Variants in IFIH1 observed in about 807,000 individuals in gnomAD.
IFIH1 encodes interferon-induced helicase C domain-containing protein 1.
A neutral mutation model predicts 107.4 loss-of-function variants in IFIH1; 125 were observed. The observed-to-expected ratio is 1.16, with a 90% CI of 1.01 to 1.35. IFIH1 has a LOEUF of 1.35. Ranked by LOEUF, IFIH1 falls within the 40% of genes most tolerant of loss-of-function variation. IFIH1 has a pLI of 0.00. For synonymous variants in IFIH1, 458 were observed against 413.2 expected, an observed-to-expected ratio of 1.11 and a Z score of -1.31; for missense variants, 1,333 against 1,213.7, an observed-to-expected ratio of 1.10 and a Z score of -1.46.
At position 162,307,380 on chromosome 2, in the gene IFIH1, C is replaced by T. The variant is rs562728779; in HGVS notation, c.623-525G>A. Reference sequence around the variant, plus strand: ...GTAGTTTTCTTTAGCTTTGCTCTTGCCATTTTGTTTCCTCACTGTGTGTTC... The same window carrying T: ...GTAGTTTTCTTTAGCTTTGCTCTTGTCATTTTGTTTCCTCACTGTGTGTTC... On this transcript the variant is annotated intron_variant, in intron 2 of 15. Transcript: ENST00000649979. Among the ~76,000 whole-genome samples the T allele has an allele frequency of 5.1e-4, 78 of 152,172 alleles. 1 individual carries two copies. Among genetic ancestry groups the T allele is most frequent in the Non-Finnish European group, 1.0e-3 (69 of 68,026 alleles).
chr2:162,298,790 G>GCGCACA (rs541154436), intron 3 of IFIH1, among the ~76,000 whole-genome samples: 34 of 149,296 alleles, frequency 2.3e-4, no homozygotes, highest in Admixed American at 9.3e-4. Flanking sequence ...ACGCGCGCGC[G>GCGCACA]CACACACACA....
chr2:162,317,258 A>G (rs1011297223), intron 1 of IFIH1, among the ~76,000 whole-genome samples: 1 of 152,226 alleles, frequency 6.6e-6, no homozygotes, highest in African/African-American at 2.4e-5. Flanking sequence ...ATAAAACTTT[A>G]TGAACACTGA....
intron 3 of IFIH1, among the ~76,000 whole-genome samples, chr2:162,296,657 A>G (rs570394739): frequency 1.3e-5 from 2 of 152,228 alleles, no homozygotes; most frequent in East Asian, 3.9e-4. Flanking sequence ...AGCAAGAGAC[A>G]TTTTCATTGT....
chr2:162,304,538 A>G (rs2105224794), intron 3 of IFIH1, among the ~76,000 whole-genome samples: 1 of 152,334 alleles, frequency 6.6e-6, no homozygotes, highest in South Asian at 2.1e-4. Context: ...AAGCAAGCCA[A>G]CTGTGAAAAA....
At chr2:162,282,620 G>T in intron 5 of IFIH1, 44 bp from the exon 6 acceptor site, 2 of 1,321,324 alleles carry the variant, frequency 1.5e-6, no homozygotes, top group Non-Finnish European at 1.1e-6. Context: ...AAAGTTAGTC[G>T]AAGCCAAAAG....
chr2:162,315,029 G>A (rs1683464135), intron 1 of IFIH1, among the ~76,000 whole-genome samples: 1 of 152,146 alleles, frequency 6.6e-6, no homozygotes, highest in African/African-American at 2.4e-5. Context: ...ATTACGGGCA[G>A]GGGCTAGGAA....
At chr2:162,282,640 C>T in intron 5 of IFIH1, 64 bp from the exon 6 acceptor site, 1 of 1,050,580 alleles carries the variant, frequency 9.5e-7, no homozygotes, top group Non-Finnish European at 1.4e-6. Flanking sequence ...GAGTGTTGAT[C>T]AAAGGCCTGT....
chr2:162,311,561 G>T (rs2105231130), intron 1 of IFIH1, among the ~76,000 whole-genome samples: 1 of 150,656 alleles, frequency 6.6e-6, no homozygotes, highest in African/African-American at 2.4e-5. Context: ...GGAAATATGG[G>T]GCAGAATTAT....
intron 5 of IFIH1, among the ~76,000 whole-genome samples, chr2:162,283,338 G>T (rs1292367175): frequency 6.6e-6 from 1 of 151,936 alleles, no homozygotes; most frequent in South Asian, 2.1e-4. Context: ...CCTGGCAAAA[G>T]AAGTGGAAAC....
rs1682972703 is a variant in IFIH1, at chr2:162,290,194, A to G, written c.875-1839T>C. Among the ~76,000 whole-genome samples, 4 of 151,880 alleles carry G rather than the reference A, an allele frequency of 2.6e-5. No homozygotes were observed. The South Asian group carries it at 8.3e-4, about 31-fold the overall frequency. On this transcript the variant is annotated intron_variant, in intron 4 of 15. Coordinates refer to ENST00000649979, the MANE Select transcript of IFIH1 (RefSeq NM_022168.4). ...TTTCATCTGAGTTTCATTTTTGCGT[A>G]GATTTTAAGAATACTAATAAAATGC...
intron 13 of IFIH1, 86 bp from the exon 14 acceptor site, chr2:162,268,363 T>G (rs1479156662): frequency 3.5e-6 from 3 of 848,688 alleles, no homozygotes; most frequent in Non-Finnish European, 5.5e-6. Context: ...AATTTGGAGG[T>G]CTTAGTTGTG....
At chr2:162,268,937 C>A (rs2105188661) in intron 13 of IFIH1, among the ~76,000 whole-genome samples, 1 of 152,016 alleles carries the variant, frequency 6.6e-6, no homozygotes, top group African/African-American at 2.4e-5. Flanking sequence ...AACTTCCTTC[C>A]ACATGGAATC....
At chr2:162,317,154 T>G (rs976459286) in intron 1 of IFIH1, among the ~76,000 whole-genome samples, 1 of 152,160 alleles carries the variant, frequency 6.6e-6, no homozygotes, top group Non-Finnish European at 1.5e-5. Context: ...TAAATATTTT[T>G]GGCTTTAAGG....
chr2:162,294,807 C>T (rs1202497904), intron 3 of IFIH1, among the ~76,000 whole-genome samples: 15 of 151,872 alleles, frequency 9.9e-5, no homozygotes, highest in African/African-American at 3.6e-4. Context: ...CCTCTTAACA[C>T]ACCAATGAGG....
At chr2:162,279,649 A>T (rs916336271) in intron 8 of IFIH1, among the ~76,000 whole-genome samples, 1 of 152,052 alleles carries the variant, frequency 6.6e-6, no homozygotes, top group Non-Finnish European at 1.5e-5. Context: ...TCAGAAAATC[A>T]ATCCTGGAAT....
intron 3 of IFIH1, among the ~76,000 whole-genome samples, chr2:162,305,527 G>A (rs777736190): frequency 6.6e-6 from 1 of 151,936 alleles, no homozygotes; most frequent in Non-Finnish European, 1.5e-5. Flanking sequence ...CCAAGAGCAT[G>A]CCACTGCACT....
At chr2:162,314,371 C>T (rs1194221659) in intron 1 of IFIH1, among the ~76,000 whole-genome samples, 1 of 28,286 alleles carries the variant, frequency 3.5e-5, no homozygotes, top group Non-Finnish European at 7.5e-5. Flanking sequence ...TCCTTCCTTC[C>T]CTCCCTCCCT....
chr2:162,291,960 T>G (rs1213688060), intron 4 of IFIH1, among the ~76,000 whole-genome samples: 1 of 151,874 alleles, frequency 6.6e-6, no homozygotes, highest in Non-Finnish European at 1.5e-5. Context: ...GTATTTGCCT[T>G]TGAAAATGTA....
chr2:162,271,299 C>T (rs895882032), intron 13 of IFIH1, among the ~76,000 whole-genome samples: 2 of 152,048 alleles, frequency 1.3e-5, no homozygotes, highest in Admixed American at 1.3e-4. Flanking sequence ...GAGTTCATGT[C>T]CTTTGTAGGG....
Sources: allele counts gnomAD v4.1 joint callset (sites outside exome capture counted in the v4.1 genomes callset), GRCh38; gene constraint gnomAD v4.1.1; transcripts MANE v1.5; gene names NCBI Gene and HGNC (gene_info 2026-07-23, HGNC 2026-07-21).